The following TRIOBP variants were observed in gnomAD, a reference collection of about 807,000 sequenced individuals.
TRIOBP encodes TRIO and F-actin-binding protein.
TRIOBP carries 169 observed loss-of-function variants against 238.8 expected under a neutral mutation model. The ratio of observed to expected loss-of-function variants is 0.71; its 90% CI spans 0.62 to 0.80. The LOEUF (loss-of-function observed/expected upper bound fraction) is 0.80, where lower values mean the gene tolerates loss of function less well. TRIOBP is among the 30% of genes least tolerant of loss of function. The probability of loss-of-function intolerance (pLI) is 0.00; values close to 1 mark genes in which losing one functional copy is unlikely to be tolerated. For synonymous variants in TRIOBP, 1,150 were observed against 1,274.4 expected (o/e 0.90, Z 2.08); for missense variants, 2,838 against 3,122.6 (o/e 0.91, Z 2.17).
rs2145842295 is a variant in TRIOBP, at chr22:37,734,551, G to A, written c.4215G>A (p.Arg1405=). The A allele has an allele frequency of 6.3e-7, 1 of 1,592,748 alleles. No individual in the cohort carries two copies. Among genetic ancestry groups the A allele is most frequent in the Non-Finnish European group, 8.5e-7 (1 of 1,169,926 alleles). The change falls in exon 9 of 24, where the codon AGG becomes AGA. Residue 1405 remains arginine, a synonymous_variant. Transcript: ENST00000644935. Reference sequence around the variant, plus strand: ...GGACATCAGCCAGGACCCCTGAGAGGGAGCTGCGGACACAGAGACCTCTGG... The same window carrying A: ...GGACATCAGCCAGGACCCCTGAGAGAGAGCTGCGGACACAGAGACCTCTGG... ...PPRTSARTPE[R]ELRTQRPLES...
rs1037574679 is a variant in TRIOBP, at chr22:37,725,956, C to T, written c.3400C>T (p.Leu1134Phe). 6.2e-7 allele frequency: 1 copy of T among 1,610,972 alleles called. No individual in the cohort carries two copies. Among genetic ancestry groups the T allele is most frequent in the African/African-American group, 1.4e-5 (1 of 73,768 alleles). ...SPPRQAPEPS[L>F]LFQDLPRAST... ...ACCACGCCAGGCCCCAGAGCCTTCC[C>T]TCTTATTCCAGGACCTCCCCAGGGC... is the stretch of plus-strand genomic sequence containing the variant. The change falls in exon 7 of 24, where the codon CTC becomes TTC. Residue 1134 changes from leucine to phenylalanine, a missense_variant. By Grantham distance (22) the Leu-to-Phe change is conservative. Around this residue, in one of 5 missense-constraint regions of TRIOBP, gnomAD observed 2,096 missense variants for 2,137.4 expected, o/e 0.98. Coordinates refer to ENST00000644935, the MANE Select transcript of TRIOBP (RefSeq NM_001039141.3).
chr22:37,717,389 G>C lies in TRIOBP; in HGVS notation c.628+1455G>C, dbSNP rs562228223. Among the ~76,000 whole-genome samples, 34 of 152,326 alleles carry C rather than the reference G, an allele frequency of 2.2e-4. No homozygotes were observed. The East Asian group carries it at 4.4e-3, about 20-fold the overall frequency. ...AGGACCCGAGCGGGTTGCCAGAGCT[G>C]GCTGGGGCAGCCTGCTTTTATTCTC... On this transcript the variant is annotated intron_variant, in intron 6 of 23. Transcript: ENST00000644935.
At chr22:37,707,208 G>A (rs1472882616) in intron 3 of TRIOBP, among the ~76,000 whole-genome samples, 5 of 151,868 alleles carry the variant, frequency 3.3e-5, no homozygotes, top group Admixed American at 6.6e-5. Flanking sequence ...TCCGGGAGGC[G>A]GAGGTTGCAG....
At position 37,723,497 on chromosome 22, in the gene TRIOBP, C is replaced by T; in HGVS notation, c.941C>T (p.Ser314Phe). The T allele has an allele frequency of 6.2e-7, 1 of 1,613,668 alleles. No individual in the cohort carries two copies. The highest frequency in any genetic ancestry group is 8.5e-7 in the Non-Finnish European group (1 of 1,179,868). The part of the protein sequence containing the change: ...STQQETSRAS[S>F]TQEDTPRASS... ...CAACAGGAAACCTCCAGGGCCTCAT[C>T]CACCCAAGAGGACACCCCTAGGGCC... The change falls in exon 7 of 24, where the codon TCC (serine) becomes TTC (phenylalanine). Residue 314 changes from serine (S) to phenylalanine (F), a missense_variant. By Grantham distance (155) the Ser-to-Phe change is radical (BLOSUM62 -2). Transcript: ENST00000644935.
chr22:37,772,462 C>T (rs1601672676), intron 22 of TRIOBP, 139 bp from the exon 23 acceptor site: 2 of 1,180,194 alleles, frequency 1.7e-6, no homozygotes, highest in East Asian at 2.5e-5. Context: ...CCAGAACCCA[C>T]GGCCATCTTG....
chr22:37,719,096 G>T (rs375843885), intron 6 of TRIOBP, among the ~76,000 whole-genome samples: 1 of 151,028 alleles, frequency 6.6e-6, no homozygotes, highest in Non-Finnish European at 1.5e-5. Flanking sequence ...CCAGTTACTC[G>T]GGATGCTGAG....
At chr22:37,764,000 T>G (rs1313939952) in intron 17 of TRIOBP, among the ~76,000 whole-genome samples, 1 of 152,162 alleles carries the variant, frequency 6.6e-6, no homozygotes, top group Non-Finnish European at 1.5e-5. Context: ...GTCGAGTCCT[T>G]CTCCTGCCAC....
Position 37,765,749 on chromosome 22 carries a change from G to T in TRIOBP, c.6404G>T (p.Arg2135Leu). ...VMEELQRHHE[R>L]ELQRLQQEKE... ...GAGGAGCTGCAGCGGCACCACGAGC[G>T]GGAGCTGCAGCGCCTGCAGCAGGAG... Residue 2135 changes from arginine (R) to leucine (L), a missense_variant, in exon 18 of 24, where the codon CGG (arginine) becomes CTG (leucine). Around this residue, in one of 5 missense-constraint regions of TRIOBP, gnomAD observed 2,096 missense variants for 2,137.4 expected, o/e 0.98. Coordinates refer to ENST00000644935, the MANE Select transcript of TRIOBP (RefSeq NM_001039141.3). 3 of 1,576,350 alleles carry T rather than the reference G, an allele frequency of 1.9e-6. No individual in the cohort carries two copies. The highest frequency in any genetic ancestry group is 2.6e-6 in the Non-Finnish European group (3 of 1,162,658).
rs538003617 is a variant in TRIOBP at position 37,770,579 on chromosome 22, G to T, written c.6850-1071G>T. Among the ~76,000 whole-genome samples, 6 of 151,924 alleles carry T rather than the reference G, an allele frequency of 3.9e-5. No homozygotes were observed. The East Asian group carries it at 1.2e-3, about 29-fold the overall frequency. ...TTTAGTAGAGACAGGGTTTTTCCAT[G>T]TTGGTCAGGCTCTTCTCGAACTCCC... On this transcript the variant is annotated intron_variant, in intron 21 of 23. Coordinates refer to ENST00000644935, the MANE Select transcript of TRIOBP (RefSeq NM_001039141.3).
chr22:37,740,644 C>T (rs1924888072), intron 10 of TRIOBP, among the ~76,000 whole-genome samples: 1 of 152,248 alleles, frequency 6.6e-6, no homozygotes, highest in African/African-American at 2.4e-5. Context: ...CAGCTGGCGC[C>T]CGTGGTTTGA....
At chr22:37,770,898 G>T (rs1432654972) in intron 21 of TRIOBP, among the ~76,000 whole-genome samples, 1 of 150,418 alleles carries the variant, frequency 6.6e-6, no homozygotes, top group African/African-American at 2.5e-5. Context: ...TAGCCGGGAT[G>T]GTCCCAATCT....
At chr22:37,707,209 G>C (rs1922990919) in intron 3 of TRIOBP, among the ~76,000 whole-genome samples, 3 of 152,226 alleles carry the variant, frequency 2.0e-5, no homozygotes, top group Admixed American at 1.3e-4. Context: ...CCGGGAGGCG[G>C]AGGTTGCAGT....
At position 37,734,735 on chromosome 22, in the gene TRIOBP, C is replaced by T; in HGVS notation, c.4399C>T (p.Leu1467=). The T allele has an allele frequency of 6.2e-7, 1 of 1,610,640 alleles. No individual in the cohort carries two copies. The highest frequency in any genetic ancestry group is 8.5e-7 in the Non-Finnish European group (1 of 1,178,970). ...CTGGTGGGGATGTGGAGAGCCCAGC[C>T]TGGGGGCAGCCAAAGCCCCGGAGGG... The part of the protein sequence containing the change: ...GGWWGCGEPS[L]GAAKAPEGAW... Residue 1467 remains leucine, a synonymous_variant, in exon 9 of 24, where the codon CTG becomes TTG. Coordinates refer to ENST00000644935, the MANE Select transcript of TRIOBP (RefSeq NM_001039141.3).
intron 4 of TRIOBP, among the ~76,000 whole-genome samples, chr22:37,711,593 CAACAAA>C (rs1569034691): frequency 1.2e-4 from 3 of 24,202 alleles, no homozygotes; most frequent in Non-Finnish European, 3.7e-4. Flanking sequence ...AAAAAAAAAA[CAACAAA>C]AAAAAAAAAC....
At chr22:37,755,787 G>A in intron 15 of TRIOBP, 128 bp downstream of exon 15, 3 of 764,042 alleles carry the variant, frequency 3.9e-6, no homozygotes, top group Admixed American at 2.0e-5. Flanking sequence ...AACATGGGAA[G>A]AGAGTAGTGA....
intron 11 of TRIOBP, 191 bp from the exon 12 acceptor site, chr22:37,751,581 C>T (rs1925607055): frequency 4.7e-6 from 3 of 643,512 alleles, no homozygotes; most frequent in Non-Finnish European, 5.6e-6. Context: ...GGAAAGGGGC[C>T]AGGGCTGCCT....
rs1327641247 is a variant in TRIOBP, at chr22:37,768,093, G to A, written c.6492G>A (p.Lys2164=). The A allele has an allele frequency of 6.2e-7, 1 of 1,613,174 alleles. No homozygotes were observed. Among genetic ancestry groups the A allele is most frequent in the Non-Finnish European group, 8.5e-7 (1 of 1,179,656 alleles). The change falls in exon 19 of 24, where the codon AAG becomes AAA. Residue 2164 remains lysine, a synonymous_variant. Coordinates refer to ENST00000644935, the MANE Select transcript of TRIOBP (RefSeq NM_001039141.3). ...ATASAIEAMK[K]AYQEELSREL... is the part of the protein sequence containing the mutation. ...TTCCAGCCATTGAAGCCATGAAGAA[G>A]GCCTACCAGGAAGAGCTGAGCCGAG... is the stretch of plus-strand genomic sequence containing the variant.
intron 7 of TRIOBP, among the ~76,000 whole-genome samples, chr22:37,727,055 T>C (rs551787946): frequency 2.6e-5 from 4 of 151,942 alleles, no homozygotes; most frequent in African/African-American, 9.6e-5. Context: ...TACAGGCACG[T>C]GCCACCACAC....
chr22:37,735,501 C>G, intron 9 of TRIOBP, 59 bp downstream of exon 9: 1 of 1,532,564 alleles, frequency 6.5e-7, no homozygotes, highest in Non-Finnish European at 8.8e-7. Flanking sequence ...TCAGCCAAGT[C>G]TCCTTGGAAA....
Sources: gnomAD v4.1 joint callset for allele counts (sites outside exome capture counted in the v4.1 genomes callset) on GRCh38, gnomAD v4.1.1 for gene constraint, gnomAD v4.1.1 regional missense constraint, MANE v1.5 for transcripts, NCBI Gene and HGNC (gene_info 2026-07-23, HGNC 2026-07-21) for gene names.